SLIT3: variants seen among roughly 807,000 people sequenced by gnomAD.
SLIT3 encodes slit homolog 3 protein.
Under a neutral mutation model 184.0 loss-of-function variants are expected in SLIT3, and 68 were observed. That is an observed-to-expected ratio of 0.37 (90% CI 0.30 to 0.45). SLIT3 has a LOEUF of 0.45. Among genes scored for constraint, SLIT3 ranks in the 20% least tolerant of loss-of-function variants. The pLI is 1.00. For synonymous variants in SLIT3, 831 were observed against 828.6 expected, an observed-to-expected ratio of 1.00 and a Z score of -0.05; for missense variants, 1,707 against 2,026.0, an observed-to-expected ratio of 0.84 and a Z score of 3.02.
chr5:168,671,332 G>A lies in SLIT3; in HGVS notation c.3993C>T (p.Gly1331=). The change falls in exon 34 of 36, where the codon GGC becomes GGT. Residue 1331 remains glycine (G), a synonymous_variant. Transcript: ENST00000519560. ...GCTTGCACACGGTGCAGGACTTGCA[G>A]CCTGGTGACACCCCCAGGGACTGTG... The part of the protein sequence containing the change: ...LPPQSLGVSP[G]CKSCTVCKHG... 1 of 1,614,098 alleles carries A rather than the reference G, an allele frequency of 6.2e-7. No individual in the cohort carries two copies. The highest frequency in any genetic ancestry group is 1.1e-5 in the South Asian group (1 of 91,078).
At chr5:168,763,079 A>G (rs1330090337) in intron 14 of SLIT3, among the ~76,000 whole-genome samples, 1 of 152,052 alleles carries the variant, frequency 6.6e-6, no homozygotes, top group African/African-American at 2.4e-5. Context: ...CACAACTCCT[A>G]TCATTCATGG....
At chr5:169,157,505 G>A (rs1580998011) in intron 4 of SLIT3, among the ~76,000 whole-genome samples, 1 of 152,196 alleles carries the variant, frequency 6.6e-6, no homozygotes, top group Non-Finnish European at 1.5e-5. Flanking sequence ...TGGAGGCCAA[G>A]TAGAGAATTT....
intron 4 of SLIT3, among the ~76,000 whole-genome samples, chr5:169,168,290 A>C (rs967384813): frequency 2.6e-5 from 4 of 152,260 alleles, no homozygotes; most frequent in Non-Finnish European, 5.9e-5. Flanking sequence ...CACTCAAATC[A>C]TTCTTAATAA....
intron 1 of SLIT3, among the ~76,000 whole-genome samples, chr5:169,267,973 C>T (rs964286105): frequency 1.1e-4 from 17 of 152,128 alleles, no homozygotes; most frequent in African/African-American, 3.1e-4. Flanking sequence ...TTTAAGAAAA[C>T]GAAGGAACAG....
At chr5:168,681,671 C>G (rs757004135) in intron 32 of SLIT3, among the ~76,000 whole-genome samples, 5 of 152,212 alleles carry the variant, frequency 3.3e-5, no homozygotes, top group Non-Finnish European at 7.3e-5. Flanking sequence ...CATTTCATAA[C>G]TCAGCACAGT....
intron 5 of SLIT3, among the ~76,000 whole-genome samples, chr5:168,846,754 T>C (rs1037484308): frequency 1.3e-5 from 2 of 152,266 alleles, no homozygotes; most frequent in Non-Finnish European, 2.9e-5. Flanking sequence ...AGGTCCTTGC[T>C]ATTAGTATAT....
chr5:168,847,965 G>A (rs1234069972), intron 5 of SLIT3, among the ~76,000 whole-genome samples: 5 of 152,152 alleles, frequency 3.3e-5, no homozygotes, highest in Admixed American at 3.3e-4. Flanking sequence ...CACTCGGGAG[G>A]CATCTGCAAA....
chr5:169,056,759 G>A (rs192615332), intron 4 of SLIT3, among the ~76,000 whole-genome samples: 8 of 152,292 alleles, frequency 5.3e-5, no homozygotes, highest in Non-Finnish European at 7.3e-5. Flanking sequence ...GCAGATTGGC[G>A]GAGCTGACGG....
chr5:168,844,822 C>A (rs1194046950), intron 5 of SLIT3, 167 bp from the exon 6 acceptor site: 2 of 605,382 alleles, frequency 3.3e-6, no homozygotes, highest in Non-Finnish European at 5.9e-6. Flanking sequence ...CGTCTCTCCT[C>A]TCTGACTGTC....
chr5:169,211,575 A>T (rs1313455633), intron 3 of SLIT3, among the ~76,000 whole-genome samples: 1 of 152,102 alleles, frequency 6.6e-6, no homozygotes, highest in African/African-American at 2.4e-5. Context: ...CCTGGAACAC[A>T]TTAGGGTGCA....
chr5:169,183,307 A>G (rs1034672799), intron 4 of SLIT3, among the ~76,000 whole-genome samples: 9 of 152,206 alleles, frequency 5.9e-5, no homozygotes, highest in African/African-American at 1.7e-4. Context: ...CGTAGTAAAG[A>G]GAGTACACTG....
At chr5:169,040,771 G>A (rs1054431477) in intron 4 of SLIT3, among the ~76,000 whole-genome samples, 7 of 151,954 alleles carry the variant, frequency 4.6e-5, no homozygotes, top group Non-Finnish European at 7.4e-5. Flanking sequence ...ATCCCTTTTC[G>A]AAAGGAAAAA....
intron 1 of SLIT3, among the ~76,000 whole-genome samples, chr5:169,282,104 T>C (rs1455759480): frequency 6.6e-6 from 1 of 152,198 alleles, no homozygotes; most frequent in Non-Finnish European, 1.5e-5. Context: ...AAAGAACTTT[T>C]TGAAGATAGA....
At chr5:169,254,933 A>G (rs977359499) in intron 1 of SLIT3, among the ~76,000 whole-genome samples, 3 of 152,244 alleles carry the variant, frequency 2.0e-5, no homozygotes, top group African/African-American at 7.2e-5. Context: ...CAGAAGCTGT[A>G]AGAGATAATA....
At chr5:168,713,641 A>C (rs1381112791) in intron 23 of SLIT3, among the ~76,000 whole-genome samples, 3 of 152,206 alleles carry the variant, frequency 2.0e-5, no homozygotes, top group Non-Finnish European at 4.4e-5. Flanking sequence ...CAGATGGAAT[A>C]ATAACGAATG....
intron 4 of SLIT3, among the ~76,000 whole-genome samples, chr5:168,946,058 G>C (rs75064544): frequency 6.6e-6 from 1 of 152,212 alleles, no homozygotes; most frequent in African/African-American, 2.4e-5. Context: ...ACAATGCTAG[G>C]GGGGAGTCAC....
Position 169,300,517 on chromosome 5 carries a change from G to A in SLIT3, c.193C>T (p.Arg65Cys), listed in dbSNP as rs1301577562. Residue 65 changes from arginine to cysteine, a missense_variant, in exon 1 of 36, where the codon CGC becomes TGC. Arg to Cys is a radical substitution (Grantham distance 180). Around this residue, in one of 3 missense-constraint regions of SLIT3, gnomAD observed 1,307 missense variants for 1,511.6 expected, o/e 0.86. Transcript: ENST00000519560. The surrounding 1 kb of genome is among the most constrained non-coding windows in gnomAD (Gnocchi z 4.1). Reference protein sequence around the residue: ...VPRGIPRNAERLDLDRNNITR... With the variant: ...VPRGIPRNAECLDLDRNNITR... The stretch of plus-strand genomic sequence containing the variant: ...GGGTGGGGCAGGGGTACTCACAGGC[G>A]CTCAGCGTTGCGGGGGATGCCCCGA... The A allele has an allele frequency of 1.3e-6, 2 of 1,502,850 alleles. No individual in the cohort carries two copies. Among genetic ancestry groups the A allele is most frequent in the African/African-American group, 1.4e-5 (1 of 69,614 alleles). The allele number at this position is 1,502,850 out of a possible 1,614,324, so 93.1% of individuals were successfully genotyped here.
At chr5:168,880,058 G>A (rs570603411) in intron 5 of SLIT3, among the ~76,000 whole-genome samples, 19 of 152,276 alleles carry the variant, frequency 1.2e-4, no homozygotes, top group African/African-American at 4.1e-4. Flanking sequence ...CACTGACTGC[G>A]AAGCTCTGTT....
intron 4 of SLIT3, among the ~76,000 whole-genome samples, chr5:169,015,558 C>T (rs369319860): frequency 6.6e-6 from 1 of 152,128 alleles, no homozygotes; most frequent in Non-Finnish European, 1.5e-5. Flanking sequence ...AACTTTCTAA[C>T]CTTATTGATA....
Sources: gnomAD v4.1 joint callset for allele counts (sites outside exome capture counted in the v4.1 genomes callset) on GRCh38, gnomAD v4.1.1 for gene constraint, gnomAD v4.1.1 regional missense constraint, Gnocchi (gnomAD v3.1) non-coding constraint, MANE v1.5 for transcripts, NCBI Gene and HGNC (gene_info 2026-07-23, HGNC 2026-07-21) for gene names.